FSD2: variants seen among roughly 807,000 people sequenced by gnomAD.
FSD2 encodes the protein fibronectin type III and SPRY domain-containing protein 2.
In FSD2, 71 loss-of-function variants were observed where a neutral mutation model predicts 80.4. The observed-to-expected ratio is 0.88, with a 90% CI of 0.73 to 1.08. The LOEUF is 1.08. Ranked by LOEUF, FSD2 falls within the 50% of genes least tolerant of loss-of-function variation. The pLI is 0.00. For synonymous variants in FSD2, 361 were observed against 329.5 expected (o/e 1.10, Z -1.03); for missense variants, 923 against 913.8 (o/e 1.01, Z -0.13).
chr15:82,797,327 T>C (rs1014725062), intron 1 of FSD2, among the ~76,000 whole-genome samples: 2 of 152,254 alleles, frequency 1.3e-5, no homozygotes, highest in African/African-American at 4.8e-5. Flanking sequence ...TTTCCATCAA[T>C]GTTTGATTAC....
chr15:82,778,127 CATATATATATATAT>C (rs34527251), intron 6 of FSD2, among the ~76,000 whole-genome samples: 6 of 83,938 alleles, frequency 7.1e-5, no homozygotes, highest in African/African-American at 2.9e-4. Context: ...ACAAAAAAAC[CATATATATATATAT>C]ATATATATAT....
At position 82,757,328 on chromosome 15, in the gene FSD2, G is replaced by T; in HGVS notation, c.*2020C>A. ...GTGATATCCTGTTTCTTACTTGGTA[G>T]TTTCTATTTCAGTAGCTGAGAACTT... On this transcript the variant is annotated 3_prime_UTR_variant, in exon 13 of 13. Coordinates refer to ENST00000334574, the MANE Select transcript of FSD2 (RefSeq NM_001007122.4). 6.9e-6 allele frequency: 1 copy of T among 145,544 alleles called. No individual in the cohort carries two copies. Among genetic ancestry groups the T allele is most frequent in the East Asian group, 2.0e-4 (1 of 4,962 alleles). 9.0% of individuals were successfully genotyped at this position (145,544 alleles called of 1,614,324 possible).
intron 9 of FSD2, among the ~76,000 whole-genome samples, chr15:82,766,969 C>A (rs2049437679): frequency 6.6e-6 from 1 of 152,174 alleles, no homozygotes; most frequent in African/African-American, 2.4e-5. Flanking sequence ...GGATGATGCC[C>A]ATTTACCAAT....
intron 7 of FSD2, among the ~76,000 whole-genome samples, chr15:82,771,153 C>A (rs988630359): frequency 6.6e-6 from 1 of 152,210 alleles, no homozygotes; most frequent in Non-Finnish European, 1.5e-5. Context: ...GGAACTCAGC[C>A]CTCCACCTGC....
rs1317030963 is a variant in FSD2, at chr15:82,769,027, G to A, written c.1406C>T (p.Pro469Leu). ...TTTGGTTTTAATAATGGGGGGAGAA[G>A]GTGCTAAATGTGGGAGAAAGGGAGA... Reference protein sequence around the residue: ...SSERAVYMTAPSPPIIKTKEI... With the variant: ...SSERAVYMTALSPPIIKTKEI... The change falls in exon 9 of 13, where the codon CCT (proline) becomes CTT (leucine). Residue 469 changes from proline to leucine, a missense_variant. Physicochemically the swap from Pro to Leu is moderately conservative, Grantham distance 98. Transcript: ENST00000334574. The A allele has an allele frequency of 1.3e-6, 2 of 1,573,750 alleles. No individual in the cohort carries two copies. Among genetic ancestry groups the A allele is most frequent in the Non-Finnish European group, 1.7e-6 (2 of 1,162,722 alleles).
intron 3 of FSD2, among the ~76,000 whole-genome samples, chr15:82,785,852 T>C (rs1054824234): frequency 6.6e-6 from 1 of 152,030 alleles, no homozygotes; most frequent in Non-Finnish European, 1.5e-5. Context: ...TCTCCGCCAA[T>C]GCACCAGATA....
intron 9 of FSD2, among the ~76,000 whole-genome samples, chr15:82,766,558 A>G (rs182599443): frequency 6.6e-6 from 1 of 152,084 alleles, no homozygotes; most frequent in Admixed American, 6.6e-5. Flanking sequence ...CCTAGCCAAC[A>G]TGGTGAAACC....
At position 82,769,781 on chromosome 15, in the gene FSD2, G is replaced by A. The variant is rs374072154; in HGVS notation, c.1371C>T (p.Ser457=). Residue 457 remains serine (S), a synonymous_variant, in exon 8 of 13, where the codon AGC becomes AGT. Coordinates refer to ENST00000334574, the MANE Select transcript of FSD2 (RefSeq NM_001007122.4). Reference sequence around the variant, plus strand: ...TGTACACTGCACGCTCGCTAGAGGGGCTGGGGCCAGCCCTGTTGTGAGCTG... The same window carrying A: ...TGTACACTGCACGCTCGCTAGAGGGACTGGGGCCAGCCCTGTTGTGAGCTG... The part of the protein sequence containing the change: ...WVTAHNRAGP[S]PSSERAVYMT... 6.2e-7 allele frequency: 1 copy of A among 1,613,956 alleles called. No homozygotes were observed. The highest frequency in any genetic ancestry group is 1.7e-5 in the Admixed American group (1 of 60,026).
At chr15:82,765,124 G>A (rs368888598) in intron 11 of FSD2, 42 bp downstream of exon 11, 16 of 1,553,978 alleles carry the variant, frequency 1.0e-5, no homozygotes, top group South Asian at 3.6e-5. Flanking sequence ...GTGCACCTTC[G>A]GGAAGTTCAC....
At chr15:82,801,556 T>C (rs2050412950) in intron 1 of FSD2, among the ~76,000 whole-genome samples, 1 of 152,198 alleles carries the variant, frequency 6.6e-6, no homozygotes, top group Non-Finnish European at 1.5e-5. Flanking sequence ...GCTGTTTTTC[T>C]AGGTACTGTA....
chr15:82,799,499 A>G (rs969085679), intron 1 of FSD2, among the ~76,000 whole-genome samples: 1 of 152,082 alleles, frequency 6.6e-6, no homozygotes, highest in Non-Finnish European at 1.5e-5. Context: ...CTCCAAATCC[A>G]TGTCTCTGGC....
chr15:82,760,910 A>G (rs1162318882), intron 12 of FSD2, among the ~76,000 whole-genome samples: 2 of 151,900 alleles, frequency 1.3e-5, no homozygotes, highest in African/African-American at 4.8e-5. Flanking sequence ...GGCTTTCTTT[A>G]TGCTCCCTTA....
At chr15:82,796,841 C>G (rs1166661379) in intron 1 of FSD2, among the ~76,000 whole-genome samples, 1 of 152,082 alleles carries the variant, frequency 6.6e-6, no homozygotes, top group Non-Finnish European at 1.5e-5. Flanking sequence ...CTCCCAGATG[C>G]TCAACTTTAT....
chr15:82,786,566 A>T lies in FSD2; in HGVS notation c.680T>A (p.Ile227Lys). The T allele has an allele frequency of 1.2e-5, 19 of 1,613,734 alleles. No individual in the cohort carries two copies. Among genetic ancestry groups the T allele is most frequent in the Non-Finnish European group, 1.4e-5 (16 of 1,179,732 alleles). Residue 227 changes from isoleucine to lysine, a missense_variant, in exon 3 of 13, where the codon ATA (isoleucine) becomes AAA (lysine). Transcript: ENST00000334574. ...HKNMYKLEKQ[I>K]IEMENFANHL... Reference sequence around the variant, plus strand: ...ATTTGCAAAGTTTTCCATCTCAATTATCTGCTTTTCCAATTTGTACATGTT... The same window carrying T: ...ATTTGCAAAGTTTTCCATCTCAATTTTCTGCTTTTCCAATTTGTACATGTT...
chr15:82,756,957 T>G lies in FSD2; in HGVS notation c.*2391A>C, dbSNP rs762641323. 6.6e-6 allele frequency: 1 copy of G among 152,250 alleles called. No homozygotes were observed. The highest frequency in any genetic ancestry group is 1.5e-5 in the Non-Finnish European group (1 of 68,040). The allele number at this position is 152,250 out of a possible 1,614,324, so 9.4% of individuals were successfully genotyped here. A position where few individuals can be genotyped will look rare whatever the true frequency, so the allele number is the denominator to read the frequency against. ...GCCTTGAGGTAAATCTGTCCCTTGC[T>G]GAATACAGTTTCAGTAGATTGTTTA... On this transcript the variant is annotated 3_prime_UTR_variant, in exon 13 of 13. Coordinates refer to ENST00000334574, the MANE Select transcript of FSD2 (RefSeq NM_001007122.4).
rs377139418 is a variant in FSD2, at chr15:82,769,757, G to A, written c.1395C>T (p.Tyr465=). 6 of 1,613,502 alleles carry A rather than the reference G, an allele frequency of 3.7e-6. No homozygotes were observed. The highest frequency in any genetic ancestry group is 1.3e-5 in the African/African-American group (1 of 74,906). The change falls in exon 8 of 13, where the codon TAC becomes TAT. Residue 465 remains tyrosine, a synonymous_variant. Transcript: ENST00000334574. ...GPSPSSERAV[Y]MTAPSPPIIK... is the part of the protein sequence containing the mutation. ...AAATGAGTAGCCCATTACCTGTCAT[G>A]TACACTGCACGCTCGCTAGAGGGGC...
At chr15:82,798,554 T>C (rs541347547) in intron 1 of FSD2, among the ~76,000 whole-genome samples, 111 of 152,186 alleles carry the variant, frequency 7.3e-4, no homozygotes, top group Admixed American at 2.4e-3. Context: ...ATATATATAA[T>C]GTTTTGAGAA....
rs1438077268 is a variant in FSD2 at position 82,787,270 on chromosome 15, T to C, written c.121A>G (p.Thr41Ala). The C allele has an allele frequency of 2.5e-6, 4 of 1,613,852 alleles. No individual in the cohort carries two copies. The South Asian group carries it at 4.4e-5, about 18-fold the overall frequency. Residue 41 changes from threonine (T) to alanine (A), a missense_variant, in exon 2 of 13, where the codon ACT (threonine) becomes GCT (alanine). Thr to Ala is a moderately conservative substitution (Grantham distance 58). Coordinates refer to ENST00000334574, the MANE Select transcript of FSD2 (RefSeq NM_001007122.4). The part of the protein sequence containing the change: ...DRLHLFPEEN[T>A]RMRKVVQAEM... The stretch of plus-strand genomic sequence containing the variant: ...GCTTGGACTACTTTCCTCATCCTAG[T>C]GTTCTCTTCTGGAAAGAGGTGCAGT...
intron 3 of FSD2, among the ~76,000 whole-genome samples, chr15:82,785,970 C>G (rs2049986457): frequency 6.6e-6 from 1 of 152,100 alleles, no homozygotes. Flanking sequence ...CCCTCTTCAC[C>G]ACCTGGGCTC....
Sources: allele counts gnomAD v4.1 joint callset (sites outside exome capture counted in the v4.1 genomes callset), GRCh38; gene constraint gnomAD v4.1.1; transcripts MANE v1.5; gene names NCBI Gene and HGNC (gene_info 2026-07-23, HGNC 2026-07-21).